TMEM150C: variants seen among roughly 807,000 people sequenced by gnomAD.
TMEM150C encodes the protein transmembrane protein 150C, also known as tentonin 3.
In TMEM150C, 10 loss-of-function variants were observed where a neutral mutation model predicts 29.9. The observed-to-expected ratio is 0.33, with a 90% CI of 0.21 to 0.57. TMEM150C has a LOEUF of 0.57. Ranked by LOEUF, TMEM150C falls within the 20% of genes least tolerant of loss-of-function variation. The pLI is 0.88. For missense variants in TMEM150C, 251 were observed against 303.6 expected (o/e 0.83, Z 1.29); for synonymous variants, 101 against 112.5 (o/e 0.90, Z 0.64).
chr4:82,504,637 G>A lies in TMEM150C; in HGVS notation c.21C>T (p.Ser7=), dbSNP rs202058879. The A allele has an allele frequency of 9.3e-6, 15 of 1,613,412 alleles. No individual in the cohort carries two copies. The highest frequency in any genetic ancestry group is 2.7e-5 in the African/African-American group (2 of 74,906). The part of the protein sequence containing the change: MDGKKC[S]VWMFLPLVFT... Reference sequence around the variant, plus strand: ...ATACAAGAGGTAGGAACATCCATACGCTGCATTTCTTCCCATCCATGCCTG... The same window carrying A: ...ATACAAGAGGTAGGAACATCCATACACTGCATTTCTTCCCATCCATGCCTG... Residue 7 remains serine, a synonymous_variant, in exon 2 of 8, where the codon AGC becomes AGT. Coordinates refer to ENST00000449862, the MANE Select transcript of TMEM150C (RefSeq NM_001080506.3).
chr4:82,507,029 G>C (rs551659321), intron 1 of TMEM150C, among the ~76,000 whole-genome samples: 80 of 152,288 alleles, frequency 5.3e-4, no homozygotes, highest in Middle Eastern at 3.4e-3. Context: ...TGGTGTTACA[G>C]AATCTAGGAG....
intron 1 of TMEM150C, among the ~76,000 whole-genome samples, chr4:82,538,469 G>C (rs1251624241): frequency 6.6e-6 from 1 of 152,164 alleles, no homozygotes; most frequent in Non-Finnish European, 1.5e-5. Flanking sequence ...ATTCAGATAT[G>C]TTTTTGAAGA....
intron 7 of TMEM150C, among the ~76,000 whole-genome samples, chr4:82,486,335 T>TA (rs527967958): frequency 0.22 from 11,079 of 51,228 alleles, 2,074 homozygotes; most frequent in Non-Finnish European, 0.26. Context: ...GACTCCATCT[T>TA]AAAAAAAAAA....
At chr4:82,523,043 T>G (rs1453390764) in intron 1 of TMEM150C, among the ~76,000 whole-genome samples, 1 of 151,972 alleles carries the variant, frequency 6.6e-6, no homozygotes, top group Non-Finnish European at 1.5e-5. Context: ...TGAAGAATCT[T>G]TGTCAGAGGG....
intron 5 of TMEM150C, among the ~76,000 whole-genome samples, chr4:82,499,487 C>T (rs113542002): frequency 0.011 from 1,729 of 151,936 alleles, 43 homozygotes; most frequent in African/African-American, 0.04. Flanking sequence ...TTTGGGAGGC[C>T]GAGGCTGGTG....
intron 1 of TMEM150C, among the ~76,000 whole-genome samples, chr4:82,511,095 A>G (rs1483878008): frequency 6.6e-6 from 1 of 152,166 alleles, no homozygotes; most frequent in African/African-American, 2.4e-5. Context: ...TTTTCACTGA[A>G]TCCTAAGTTT....
chr4:82,491,584 C>T, intron 6 of TMEM150C: 3 of 648,174 alleles, frequency 4.6e-6, no homozygotes, highest in Non-Finnish European at 8.3e-6. Context: ...TTCTTCATGA[C>T]AGCAGGGGCC....
At chr4:82,544,624 C>G (rs1321643673) in intron 1 of TMEM150C, among the ~76,000 whole-genome samples, 3 of 152,080 alleles carry the variant, frequency 2.0e-5, no homozygotes, top group Non-Finnish European at 4.4e-5. Flanking sequence ...ACAAAAAATA[C>G]AAAAATTAGC....
At chr4:82,532,250 G>GA (rs1284198275) in intron 1 of TMEM150C, among the ~76,000 whole-genome samples, 1 of 152,204 alleles carries the variant, frequency 6.6e-6, no homozygotes, top group African/African-American at 2.4e-5. Flanking sequence ...AATGCAAATT[G>GA]AAATGCAAAT....
chr4:82,517,212 A>G (rs1183954687), intron 1 of TMEM150C, among the ~76,000 whole-genome samples: 1 of 152,088 alleles, frequency 6.6e-6, no homozygotes, highest in Non-Finnish European at 1.5e-5. Flanking sequence ...ATCCTCTCTC[A>G]TTTCCCACCA....
chr4:82,539,151 G>T (rs367957360), intron 1 of TMEM150C, among the ~76,000 whole-genome samples: 2 of 152,104 alleles, frequency 1.3e-5, no homozygotes, highest in East Asian at 3.8e-4. Flanking sequence ...GGAATAAAAA[G>T]ATTTTATAAT....
chr4:82,536,356 CAAAAAAAAAA>C (rs567469021), intron 1 of TMEM150C, among the ~76,000 whole-genome samples: 2 of 80,446 alleles, frequency 2.5e-5, no homozygotes, highest in African/African-American at 6.3e-5. Flanking sequence ...GACTCCATCT[CAAAAAAAAAA>C]AAAAAAAAAA....
chr4:82,504,214 TG>T (rs1375744384), intron 2 of TMEM150C, among the ~76,000 whole-genome samples: 2 of 151,754 alleles, frequency 1.3e-5, no homozygotes, highest in Non-Finnish European at 2.9e-5. Flanking sequence ...TACTATTTTT[TG>T]GGGGGGTGGG....
chr4:82,550,534 C>T (rs1360072442), intron 1 of TMEM150C, among the ~76,000 whole-genome samples: 1 of 152,160 alleles, frequency 6.6e-6, no homozygotes. Flanking sequence ...GGCACGATGG[C>T]TCATGCTTGT....
At chr4:82,552,962 G>C (rs1017468273) in intron 1 of TMEM150C, among the ~76,000 whole-genome samples, 3 of 152,194 alleles carry the variant, frequency 2.0e-5, no homozygotes, top group Admixed American at 6.5e-5. Context: ...TAACTGGCCT[G>C]GAGGAAAGAA....
At chr4:82,528,046 T>C (rs1220137711) in intron 1 of TMEM150C, among the ~76,000 whole-genome samples, 2 of 152,234 alleles carry the variant, frequency 1.3e-5, no homozygotes, top group Non-Finnish European at 2.9e-5. Context: ...CAAAGATTAA[T>C]ATTAACCTTA....
intron 6 of TMEM150C, among the ~76,000 whole-genome samples, chr4:82,492,386 C>T (rs1283716183): frequency 6.6e-6 from 1 of 152,136 alleles, no homozygotes; most frequent in Non-Finnish European, 1.5e-5. Flanking sequence ...CCTCAGCCTC[C>T]CAAAGTGCTG....
rs765740780 is a variant in TMEM150C at position 82,502,783 on chromosome 4, T to C, written c.179A>G (p.Asp60Gly). 6.2e-7 allele frequency: 1 copy of C among 1,605,936 alleles called. No homozygotes were observed. Among genetic ancestry groups the C allele is most frequent in the Non-Finnish European group, 8.5e-7 (1 of 1,175,760 alleles). ...AAACACACAGCTTGCAGGAGGATCA[T>C]CACCTGCAATGCTTGAAAAAGATGA... The part of the protein sequence containing the change: ...KHAPYISIAG[D>G]DPPASCVFSQ... The change falls in exon 5 of 8, where the codon GAT (aspartate) becomes GGT (glycine). Residue 60 changes from aspartate to glycine, a missense_variant. By Grantham distance (94) the Asp-to-Gly change is moderately conservative. Transcript: ENST00000449862.
chr4:82,517,839 C>A (rs377364044), intron 1 of TMEM150C, among the ~76,000 whole-genome samples: 21 of 152,304 alleles, frequency 1.4e-4, no homozygotes, highest in Admixed American at 3.9e-4. Context: ...TCTATATATC[C>A]TATTGGTTCT....
Sources: gnomAD v4.1 joint callset for allele counts (sites outside exome capture counted in the v4.1 genomes callset) on GRCh38, gnomAD v4.1.1 for gene constraint, MANE v1.5 for transcripts, NCBI Gene and HGNC (gene_info 2026-07-23, HGNC 2026-07-21) for gene names.